Variants in FLVCR2 observed in about 807,000 individuals in gnomAD.
FLVCR2 encodes the protein FLVCR choline and putative heme transporter 2, also known as choline/ethanolamine transporter FLVCR2.
Under a neutral mutation model 48.9 loss-of-function variants are expected in FLVCR2, and 38 were observed. That is an observed-to-expected ratio of 0.78 (90% CI 0.60 to 1.02). The LOEUF is 1.02. Among genes scored for constraint, FLVCR2 ranks in the 50% least tolerant of loss-of-function variants. FLVCR2 has a pLI of 0.00. For synonymous variants in FLVCR2, 255 were observed against 257.0 expected (o/e 0.99, Z 0.07); for missense variants, 664 against 663.3 (o/e 1.00, Z -0.01).
At chr14:75,616,781 G>C (rs183669770) in intron 1 of FLVCR2, among the ~76,000 whole-genome samples, 27 of 152,346 alleles carry the variant, frequency 1.8e-4, no homozygotes, top group Admixed American at 1.6e-3. Context: ...TCTCCTAACA[G>C]GAGCAGGATC....
At position 75,579,381 on chromosome 14, in the gene FLVCR2, C is replaced by T. The variant is rs764238731; in HGVS notation, c.409C>T (p.Leu137=). 2 of 1,614,220 alleles carry T rather than the reference C, an allele frequency of 1.2e-6. No individual in the cohort carries two copies. Among genetic ancestry groups the T allele is most frequent in the Non-Finnish European group, 1.7e-6 (2 of 1,180,048 alleles). The part of the protein sequence containing the change: ...SMCYMLTYIP[L]LLPVAWLLEK... The stretch of plus-strand genomic sequence containing the variant: ...GTGCTACATGCTGACTTACATCCCT[C>T]TGCTCCTGCCAGTGGCTTGGCTGCT... The change falls in exon 1 of 10, where the codon CTG becomes TTG. Residue 137 remains leucine (L), a synonymous_variant. Coordinates refer to ENST00000238667, the MANE Select transcript of FLVCR2 (RefSeq NM_017791.3).
intron 1 of FLVCR2, among the ~76,000 whole-genome samples, chr14:75,597,874 T>TTA (rs1889064512): frequency 6.6e-6 from 1 of 151,564 alleles, no homozygotes; most frequent in African/African-American, 2.4e-5. Context: ...CCAGCCAGCA[T>TTA]TATATGTTTT....
intron 1 of FLVCR2, among the ~76,000 whole-genome samples, chr14:75,601,719 A>G (rs1165155122): frequency 6.6e-6 from 1 of 152,228 alleles, no homozygotes; most frequent in South Asian, 2.1e-4. Context: ...AGATATTTGT[A>G]TACTCGTGTT....
chr14:75,620,195 C>G (rs149160259), intron 1 of FLVCR2, among the ~76,000 whole-genome samples: 324 of 152,260 alleles, frequency 2.1e-3, no homozygotes, highest in African/African-American at 7.6e-3. Context: ...TTTCTACCTT[C>G]AATTAAAGTC....
chr14:75,629,349 G>A (rs559975250), intron 3 of FLVCR2, among the ~76,000 whole-genome samples: 105 of 152,114 alleles, frequency 6.9e-4, no homozygotes, highest in South Asian at 1.2e-3. Flanking sequence ...GTTTAGAGGG[G>A]GAGAGGTGCA....
At position 75,645,770 on chromosome 14, in the gene FLVCR2, T is replaced by C. The variant is rs539879775; in HGVS notation, c.1510-631T>C. On this transcript the variant is annotated intron_variant, in intron 9 of 9. Transcript: ENST00000238667. ...CTGTTTGTACTAAAAATACAAAAAT[T>C]AACTGGGCATGGTGGTGGGCACCTA... Among the ~76,000 whole-genome samples, 11 of 152,020 alleles carry C rather than the reference T, an allele frequency of 7.2e-5. No individual in the cohort carries two copies. The East Asian group carries it at 2.1e-3, about 29-fold the overall frequency.
chr14:75,611,383 T>A (rs1889442246), intron 1 of FLVCR2, among the ~76,000 whole-genome samples: 1 of 152,182 alleles, frequency 6.6e-6, no homozygotes, highest in Non-Finnish European at 1.5e-5. Context: ...AATCTCAGTT[T>A]TGCCAGGAGA....
chr14:75,612,020 C>G (rs1278666975), intron 1 of FLVCR2, among the ~76,000 whole-genome samples: 1 of 152,072 alleles, frequency 6.6e-6, no homozygotes. Context: ...GTTATGTGAC[C>G]TTGGGCAAGC....
chr14:75,601,308 T>C (rs1175543243), intron 1 of FLVCR2, among the ~76,000 whole-genome samples: 3 of 152,254 alleles, frequency 2.0e-5, no homozygotes, highest in Non-Finnish European at 2.9e-5. Flanking sequence ...TTCCCGTAAA[T>C]CCACAACCTT....
At chr14:75,645,397 G>A (rs1042357438) in intron 9 of FLVCR2, among the ~76,000 whole-genome samples, 8 of 152,146 alleles carry the variant, frequency 5.3e-5, no homozygotes, top group South Asian at 4.1e-4. Flanking sequence ...CACAGACAAA[G>A]TACTTCTTAA....
At position 75,586,962 on chromosome 14, in the gene FLVCR2, A is replaced by G. The variant is rs187218780; in HGVS notation, c.669+7321A>G. On this transcript the variant is annotated intron_variant, in intron 1 of 9. Coordinates refer to ENST00000238667, the MANE Select transcript of FLVCR2 (RefSeq NM_017791.3). ...ACACAACAACTGAACAGATCATAGC[A>G]TAGAGGATTTGTTTTCAGCTAGAGG... Among the ~76,000 whole-genome samples, 3 of 152,232 alleles carry G rather than the reference A, an allele frequency of 2.0e-5. No homozygotes were observed. The East Asian group carries it at 5.8e-4, about 29-fold the overall frequency.
At chr14:75,615,827 G>A (rs1179139299) in intron 1 of FLVCR2, among the ~76,000 whole-genome samples, 1 of 148,494 alleles carries the variant, frequency 6.7e-6, no homozygotes, top group Non-Finnish European at 1.5e-5. Flanking sequence ...AGACCATCCT[G>A]GCTAACACAT....
In FLVCR2 at chr14:75,579,581, C is replaced by T. The variant is rs768389486; in HGVS notation, c.609C>T (p.Ser203=). ...FILGMPSRIA[S]VWFGANEVST... ...TGGGCATGCCCTCCCGCATCGCTTC[C>T]GTCTGGTTCGGGGCTAATGAGGTTT... Residue 203 remains serine (S), a synonymous_variant, in exon 1 of 10, where the codon TCC becomes TCT. Coordinates refer to ENST00000238667, the MANE Select transcript of FLVCR2 (RefSeq NM_017791.3). The T allele has an allele frequency of 5.6e-6, 9 of 1,613,978 alleles. No homozygotes were observed. The highest frequency in any genetic ancestry group is 1.6e-4 in the Middle Eastern group (1 of 6,084).
chr14:75,613,985 C>G (rs570397147), intron 1 of FLVCR2, among the ~76,000 whole-genome samples: 7 of 152,312 alleles, frequency 4.6e-5, no homozygotes, highest in African/African-American at 1.4e-4. Flanking sequence ...TCAGATTAAT[C>G]TTTAGGCCAT....
At chr14:75,628,612 T>G (rs1367454620) in intron 3 of FLVCR2, among the ~76,000 whole-genome samples, 1 of 152,220 alleles carries the variant, frequency 6.6e-6, no homozygotes, top group Non-Finnish European at 1.5e-5. Flanking sequence ...GCACATGTAC[T>G]GGACATGGGT....
chr14:75,642,426 C>T (rs762765807), intron 9 of FLVCR2, among the ~76,000 whole-genome samples: 13 of 152,244 alleles, frequency 8.5e-5, no homozygotes, highest in South Asian at 2.1e-4. Context: ...CAGGAGCTGG[C>T]GAGGTAGCAG....
In FLVCR2 at chr14:75,646,640, A is replaced by C; in HGVS notation, c.*168A>C. On this transcript the variant is annotated 3_prime_UTR_variant, in exon 10 of 10. Coordinates refer to ENST00000238667, the MANE Select transcript of FLVCR2 (RefSeq NM_017791.3). Reference sequence around the variant, plus strand: ...TCCTAGAACCCACGTAAGAGCTTGGATGATTTAGTTGGAGAAAATTGCACC... The same window carrying C: ...TCCTAGAACCCACGTAAGAGCTTGGCTGATTTAGTTGGAGAAAATTGCACC... The C allele has an allele frequency of 1.5e-6, 1 of 664,502 alleles. No homozygotes were observed. Among genetic ancestry groups the C allele is most frequent in the South Asian group, 1.6e-5 (1 of 63,840 alleles). The allele number at this position is 664,502 out of a possible 1,614,324, so 41.2% of individuals were successfully genotyped here. A position where few individuals can be genotyped will look rare whatever the true frequency, so the allele number is the denominator to read the frequency against.
chr14:75,625,439 A>G (rs1692990981), intron 3 of FLVCR2, among the ~76,000 whole-genome samples: 1 of 151,926 alleles, frequency 6.6e-6, no homozygotes, highest in Non-Finnish European at 1.5e-5. Context: ...AACCTGTAAT[A>G]AGATTGTTGG....
intron 3 of FLVCR2, among the ~76,000 whole-genome samples, chr14:75,626,702 G>A (rs1452646120): frequency 1.3e-5 from 2 of 151,954 alleles, no homozygotes; most frequent in Non-Finnish European, 1.5e-5. Flanking sequence ...TGATGGGAAT[G>A]TTGTAGGGGA....
Sources: allele counts gnomAD v4.1 joint callset (sites outside exome capture counted in the v4.1 genomes callset), GRCh38; gene constraint gnomAD v4.1.1; transcripts MANE v1.5; gene names NCBI Gene and HGNC (gene_info 2026-07-23, HGNC 2026-07-21).